Variants in SDS observed in about 807,000 individuals in gnomAD.
The protein encoded by SDS is serine dehydratase.
Under a neutral mutation model 29.3 loss-of-function variants are expected in SDS, and 19 were observed. The ratio of observed to expected loss-of-function variants is 0.65; its 90% confidence interval spans 0.45 to 0.95. SDS has a LOEUF of 0.95. Among genes scored for constraint, SDS ranks in the 40% least tolerant of loss-of-function variants. The pLI is 0.00. For missense variants in SDS, 375 were observed against 439.9 expected (o/e 0.85, Z 1.32); for synonymous variants, 176 against 189.0 (o/e 0.93, Z 0.56).
intron 1 of SDS, among the ~76,000 whole-genome samples, chr12:113,400,665 ATTTT>A (rs1321288580): frequency 1.3e-5 from 2 of 151,762 alleles, no homozygotes; most frequent in African/African-American, 4.8e-5. Context: ...TATTTTTTTA[ATTTT>A]TTTATTTGAA....
chr12:113,400,544 CCACA>C (rs1957678884), intron 1 of SDS, among the ~76,000 whole-genome samples: 1 of 151,958 alleles, frequency 6.6e-6, no homozygotes, highest in Admixed American at 6.6e-5. Flanking sequence ...GATAATCCAT[CCACA>C]CACACATACT....
At chr12:113,400,457 A>G in intron 1 of SDS, among the ~76,000 whole-genome samples, 1 of 151,766 alleles carries the variant, frequency 6.6e-6, no homozygotes, top group Admixed American at 6.6e-5. Context: ...TGGGCAACAG[A>G]GTGAGACTGT....
At chr12:113,397,837 T>TGGATTACTTCCCC (rs1957657425) in intron 5 of SDS, among the ~76,000 whole-genome samples, 1 of 152,172 alleles carries the variant, frequency 6.6e-6, no homozygotes, top group African/African-American at 2.4e-5. Flanking sequence ...CTTCCTTCCC[T>TGGATTACTTCCCC]GGCTTACTTC....
intron 5 of SDS, among the ~76,000 whole-genome samples, chr12:113,398,173 C>T (rs905824590): frequency 4.0e-5 from 6 of 150,992 alleles, no homozygotes; most frequent in Non-Finnish European, 5.9e-5. Context: ...TGGGTTCAAG[C>T]GATTCTCCTG....
In SDS at chr12:113,398,864, G is replaced by A. The variant is rs1355914444; in HGVS notation, c.194-18C>T. 2 of 1,588,354 alleles carry A rather than the reference G, an allele frequency of 1.3e-6. No individual in the cohort carries two copies. The highest frequency in any genetic ancestry group is 1.3e-5 in the African/African-American group (1 of 74,458). On this transcript the variant is annotated intron_variant, in intron 3 of 7. Transcript: ENST00000257549. The stretch of plus-strand genomic sequence containing the variant: ...GTTGCCCGCTGCCAGGGTCGGGGGT[G>A]GAGAGCGTGTCAGTGCGGGAGCATC...
chr12:113,400,640 CAT>C (rs148829662), intron 1 of SDS, among the ~76,000 whole-genome samples: 1,788 of 152,122 alleles, frequency 0.012, 37 homozygotes, highest in African/African-American at 0.041. Flanking sequence ...ATATAGTCCA[CAT>C]GTTTCTTTTA....
chr12:113,397,430 G>A, intron 5 of SDS, 38 bp from the exon 6 acceptor site: 2 of 1,542,744 alleles, frequency 1.3e-6, no homozygotes, highest in Non-Finnish European at 8.9e-7. Flanking sequence ...GTCAGGGCTA[G>A]GCTTCCTGGA....
chr12:113,401,794 A>G (rs1957685994), intron 1 of SDS, among the ~76,000 whole-genome samples: 2 of 151,956 alleles, frequency 1.3e-5, no homozygotes, highest in Non-Finnish European at 2.9e-5. Flanking sequence ...CAGCCTTCCC[A>G]TCTCCCCTGC....
At chr12:113,402,245 G>A (rs1161980397) in intron 1 of SDS, among the ~76,000 whole-genome samples, 1 of 152,166 alleles carries the variant, frequency 6.6e-6, no homozygotes, top group African/African-American at 2.4e-5. Flanking sequence ...CCCCAAATCG[G>A]CATGAACTTT....
chr12:113,396,586 CTT>C (rs1957648261), intron 6 of SDS: 1 of 111,640 alleles, frequency 9.0e-6, no homozygotes, highest in Non-Finnish European at 1.7e-5. Flanking sequence ...TCCTTCCTTC[CTT>C]CCTTCCTTCC....
At chr12:113,394,885 G>C (rs1957635621) in intron 6 of SDS, among the ~76,000 whole-genome samples, 2 of 152,150 alleles carry the variant, frequency 1.3e-5, no homozygotes, top group African/African-American at 2.4e-5. Flanking sequence ...CTCCTCCAAG[G>C]AGTCCTCCTG....
At chr12:113,398,216 G>A (rs1006329710) in intron 5 of SDS, among the ~76,000 whole-genome samples, 9 of 152,026 alleles carry the variant, frequency 5.9e-5, no homozygotes, top group African/African-American at 1.9e-4. Context: ...GATTACAGGC[G>A]TGTGTCACCA....
intron 5 of SDS, 21 bp downstream of exon 5, chr12:113,398,494 G>A: frequency 6.5e-7 from 1 of 1,533,260 alleles, no homozygotes; most frequent in South Asian, 1.2e-5. Context: ...CCCCCACCAA[G>A]TGACCTTGAA....
intron 7 of SDS, 126 bp from the exon 8 acceptor site, chr12:113,393,275 G>T: frequency 3.3e-6 from 3 of 922,766 alleles, no homozygotes; most frequent in Non-Finnish European, 5.1e-6. Context: ...GCAGCCGCAG[G>T]TCCTGAACCA....
At position 113,394,034 on chromosome 12, in the gene SDS, C is replaced by A; in HGVS notation, c.654-18G>T. 1 of 1,613,044 alleles carries A rather than the reference C, an allele frequency of 6.2e-7. No individual in the cohort carries two copies. The highest frequency in any genetic ancestry group is 8.5e-7 in the Non-Finnish European group (1 of 1,179,562). Reference sequence around the variant, plus strand: ...TGGCAACACTGAGAGAAGTGGGAACCCAGAAGAGGATGGGAGTGGGGGAAA... The same window carrying A: ...TGGCAACACTGAGAGAAGTGGGAACACAGAAGAGGATGGGAGTGGGGGAAA... On this transcript the variant is annotated intron_variant, in intron 6 of 7. Transcript: ENST00000257549.
intron 1 of SDS, among the ~76,000 whole-genome samples, chr12:113,401,179 T>A (rs1371607710): frequency 6.6e-6 from 1 of 151,908 alleles, no homozygotes; most frequent in Non-Finnish European, 1.5e-5. Flanking sequence ...GTTCCAAGTA[T>A]CTTGGCTTAA....
At chr12:113,402,306 T>C (rs1330948071) in intron 1 of SDS, among the ~76,000 whole-genome samples, 2 of 152,158 alleles carry the variant, frequency 1.3e-5, no homozygotes, top group Non-Finnish European at 2.9e-5. Context: ...TTTTATTTAG[T>C]TATTTTTAGA....
In SDS at chr12:113,397,162, C is replaced by G. The variant is rs764543383; in HGVS notation, c.653+3G>C. ...ACCCGAGGGAGGCACCCCAGCTGCT[C>G]ACCTGGTGATCTTGGGCAGGGAGAC... On this transcript the variant is annotated splice_donor_region_variant and intron_variant, in intron 6 of 7. Transcript: ENST00000257549. 1 of 1,613,938 alleles carries G rather than the reference C, an allele frequency of 6.2e-7. No individual in the cohort carries two copies. Among genetic ancestry groups the G allele is most frequent in the South Asian group, 1.1e-5 (1 of 91,060 alleles).
intron 5 of SDS, among the ~76,000 whole-genome samples, chr12:113,397,873 C>T (rs891823765): frequency 3.3e-5 from 5 of 152,144 alleles, no homozygotes; most frequent in Admixed American, 1.3e-4. Flanking sequence ...AATCACCTCC[C>T]AAATAAACTC....
Sources: allele counts gnomAD v4.1 joint callset (sites outside exome capture counted in the v4.1 genomes callset), GRCh38; gene constraint gnomAD v4.1.1; transcripts MANE v1.5; gene names NCBI Gene and HGNC (gene_info 2026-07-23, HGNC 2026-07-21).